EPB41L5: variants seen among roughly 807,000 people sequenced by gnomAD.
EPB41L5 encodes band 4.1-like protein 5.
A neutral mutation model predicts 106.6 loss-of-function variants in EPB41L5; 55 were observed. The ratio of observed to expected loss-of-function variants is 0.52; its 90% CI spans 0.42 to 0.65. The LOEUF (loss-of-function observed/expected upper bound fraction) is 0.65. Ranked by LOEUF, EPB41L5 falls within the 30% of genes least tolerant of loss-of-function variation. The probability of loss-of-function intolerance (pLI) is 0.00; values close to 1 mark genes in which losing one functional copy is unlikely to be tolerated. For missense variants in EPB41L5, 871 were observed against 882.1 expected (o/e 0.99, Z 0.16); for synonymous variants, 297 against 306.7 (o/e 0.97, Z 0.33).
At chr2:120,139,954 G>C (rs898131015) in intron 18 of EPB41L5, among the ~76,000 whole-genome samples, 5 of 152,010 alleles carry the variant, frequency 3.3e-5, no homozygotes, top group South Asian at 2.1e-4. Flanking sequence ...AGAAAATCTG[G>C]TACATATACA....
At chr2:120,115,391 C>G (rs1434604011) in intron 16 of EPB41L5, among the ~76,000 whole-genome samples, 2 of 151,658 alleles carry the variant, frequency 1.3e-5, no homozygotes, top group African/African-American at 2.4e-5. Context: ...GTTCTTTTTT[C>G]TTTCTCTTAC....
intron 10 of EPB41L5, among the ~76,000 whole-genome samples, 195 bp from the exon 11 acceptor site, chr2:120,086,976 A>G (rs1478938133): frequency 6.6e-6 from 1 of 152,080 alleles, no homozygotes; most frequent in Non-Finnish European, 1.5e-5. Flanking sequence ...ATTTTGTCTG[A>G]GATTTGCTTT....
intron 3 of EPB41L5, among the ~76,000 whole-genome samples, chr2:120,042,772 CAAAT>C (rs369263372): frequency 2.0e-5 from 3 of 152,030 alleles, no homozygotes; most frequent in Non-Finnish European, 2.9e-5. Flanking sequence ...TATTTACTCT[CAAAT>C]AATTGGGATT....
intron 3 of EPB41L5, among the ~76,000 whole-genome samples, chr2:120,059,720 T>C (rs537955065): frequency 9.1e-4 from 138 of 152,056 alleles, no homozygotes; most frequent in African/African-American, 3.3e-3. Flanking sequence ...CTGGACAACA[T>C]AGTGAGACCT....
intron 16 of EPB41L5, among the ~76,000 whole-genome samples, chr2:120,103,782 T>C (rs1266271984): frequency 6.6e-6 from 1 of 152,206 alleles, no homozygotes. Context: ...ATACAGAGTG[T>C]CTTGCTTTCT....
At chr2:120,173,814 C>G (rs1280560959) in intron 24 of EPB41L5, among the ~76,000 whole-genome samples, 3 of 152,174 alleles carry the variant, frequency 2.0e-5, no homozygotes, top group Non-Finnish European at 4.4e-5. Flanking sequence ...TCCTGAGTAG[C>G]TGGGCTACAG....
At chr2:120,166,506 G>C (rs564374107) in intron 22 of EPB41L5, among the ~76,000 whole-genome samples, 1 of 151,252 alleles carries the variant, frequency 6.6e-6, no homozygotes, top group African/African-American at 2.4e-5. Context: ...CAGGAGTAGC[G>C]TGATCTCAGC....
chr2:120,051,347 A>C (rs1680272494), intron 3 of EPB41L5, among the ~76,000 whole-genome samples: 1 of 152,174 alleles, frequency 6.6e-6, no homozygotes, highest in Non-Finnish European at 1.5e-5. Flanking sequence ...CTCAAGCCTC[A>C]GCAATGGTGG....
At chr2:120,040,086 TAC>T (rs59295853) in intron 2 of EPB41L5, among the ~76,000 whole-genome samples, 18,418 of 149,596 alleles carry the variant, frequency 0.12, 1,214 homozygotes, top group African/African-American at 0.16. Flanking sequence ...TATATATATA[TAC>T]GTATTTAAAT....
At chr2:120,116,595 C>T (rs1315825409) in intron 16 of EPB41L5, among the ~76,000 whole-genome samples, 2 of 152,170 alleles carry the variant, frequency 1.3e-5, no homozygotes, top group Non-Finnish European at 2.9e-5. Context: ...GATCATGGCT[C>T]ACTGCAGCCT....
At chr2:120,134,979 T>A (rs985899115) in intron 18 of EPB41L5, among the ~76,000 whole-genome samples, 6 of 151,958 alleles carry the variant, frequency 3.9e-5, no homozygotes, top group African/African-American at 1.5e-4. Context: ...CAATCCCAGA[T>A]TGACAGAGAG....
At chr2:120,075,147 A>G (rs543959044) in intron 5 of EPB41L5, among the ~76,000 whole-genome samples, 23 of 152,334 alleles carry the variant, frequency 1.5e-4, no homozygotes, top group Non-Finnish European at 2.8e-4. Flanking sequence ...GAATACTTCT[A>G]AGATCTAGTG....
intron 15 of EPB41L5, 37 bp from the exon 16 acceptor site, chr2:120,100,662 A>C: frequency 6.8e-7 from 1 of 1,476,138 alleles, no homozygotes; most frequent in Non-Finnish European, 9.5e-7. Flanking sequence ...TCTGTTATCG[A>C]GGCAAAATAG....
intron 20 of EPB41L5, among the ~76,000 whole-genome samples, chr2:120,153,471 G>T (rs1028040395): frequency 2.0e-5 from 3 of 152,102 alleles, no homozygotes; most frequent in Admixed American, 2.0e-4. Flanking sequence ...CAGTTATTAG[G>T]TGGAGTGTTC....
intron 3 of EPB41L5, among the ~76,000 whole-genome samples, chr2:120,062,229 G>A (rs2105285890): frequency 6.6e-6 from 1 of 152,308 alleles, no homozygotes; most frequent in East Asian, 1.9e-4. Flanking sequence ...CAGTAAGATA[G>A]TGGGAGGTGA....
chr2:120,063,536 T>C (rs187161757), intron 3 of EPB41L5, among the ~76,000 whole-genome samples: 9 of 152,022 alleles, frequency 5.9e-5, no homozygotes, highest in African/African-American at 2.2e-4. Context: ...CCCTATAGAG[T>C]GTACTATGCT....
intron 3 of EPB41L5, among the ~76,000 whole-genome samples, chr2:120,050,746 A>G (rs1435763526): frequency 6.6e-6 from 1 of 152,006 alleles, no homozygotes; most frequent in South Asian, 2.1e-4. Context: ...GATTTTTAGA[A>G]TTTTTGGCTT....
chr2:120,013,224 C>CCGG lies in EPB41L5; in HGVS notation c.-9+23_-9+25dup, dbSNP rs1164947152. On this transcript the variant is annotated intron_variant, in intron 1 of 24. Coordinates refer to ENST00000263713, the MANE Select transcript of EPB41L5 (RefSeq NM_020909.4). ...TCCCCAGCTCAGGTAAGCGCGAGGC[C>CCGG]CGGCGGCGGCGCCGCAGTACAGTCC... 6.7e-4 allele frequency: 102 copies of CCGG among 152,508 alleles called. No individual in the cohort carries two copies. Among genetic ancestry groups the CCGG allele is most frequent in the South Asian group, 1.2e-3 (6 of 4,836 alleles). The allele number at this position is 152,508 out of a possible 1,614,324, so 9.4% of individuals were successfully genotyped here.
At chr2:120,027,573 G>A (rs1168177284) in intron 2 of EPB41L5, among the ~76,000 whole-genome samples, 1 of 152,066 alleles carries the variant, frequency 6.6e-6, no homozygotes, top group Non-Finnish European at 1.5e-5. Flanking sequence ...ATAATATATG[G>A]ACTTTCTTTT....
Sources: allele counts gnomAD v4.1 joint callset (sites outside exome capture counted in the v4.1 genomes callset), GRCh38; gene constraint gnomAD v4.1.1; transcripts MANE v1.5; gene names NCBI Gene and HGNC (gene_info 2026-07-23, HGNC 2026-07-21).